The following SPACA6 variants were observed in gnomAD, a reference collection of about 807,000 sequenced individuals.
SPACA6 encodes the protein sperm acrosome membrane-associated protein 6.
For missense variants in SPACA6, 8 were observed against 2.8 expected (o/e 2.88, Z -1.34); for synonymous variants, 6 against 1.5 (o/e 4.05, Z -2.21).
upstream of SPACA6, chr19:51,685,377 T>G (rs1297378984): frequency 6.6e-6 from 1 of 152,246 alleles, no homozygotes; most frequent in African/African-American, 2.4e-5. Flanking sequence ...TTTGATTTTT[T>G]TATTTTGTAT....
downstream of SPACA6, among the ~76,000 whole-genome samples, chr19:51,709,979 C>T (rs1029149203): frequency 6.6e-6 from 1 of 152,180 alleles, no homozygotes; most frequent in Non-Finnish European, 1.5e-5. Flanking sequence ...CGTCCAGTAG[C>T]GCAGCACCAG....
the SPACA6 span, among the ~76,000 whole-genome samples, chr19:51,683,567 G>C: frequency 6.6e-6 from 1 of 152,152 alleles, no homozygotes; most frequent in Non-Finnish European, 1.5e-5. Flanking sequence ...AAAGAATACA[G>C]TAAAAATACC....
In SPACA6 at chr19:51,704,353, C is replaced by A; in HGVS notation, c.814C>A (p.Leu272Met). ...VLRWAPRDAE[L>M]IEPWRPSLGE... Reference sequence around the variant, plus strand: ...GCGCTGGGCGCCGCGGGATGCCGAGCTGATCGAGCCCTGGAGGCCCAGCCT... The same window carrying A: ...GCGCTGGGCGCCGCGGGATGCCGAGATGATCGAGCCCTGGAGGCCCAGCCT... Residue 272 changes from leucine (L) to methionine (M), a missense_variant, in exon 8 of 9, where the codon CTG becomes ATG. By Grantham distance (15) the Leu-to-Met change is conservative. Transcript: ENST00000637797. The A allele has an allele frequency of 2.5e-6, 1 of 400,980 alleles. No individual in the cohort carries two copies. The highest frequency in any genetic ancestry group is 4.4e-6 in the Non-Finnish European group (1 of 226,194). 24.8% of individuals were successfully genotyped at this position (400,980 alleles called of 1,614,324 possible).
At chr19:51,707,073 C>G (rs111424547), downstream of SPACA6, among the ~76,000 whole-genome samples, 9 of 152,284 alleles carry the variant, frequency 5.9e-5, 1 homozygote, top group African/African-American at 2.2e-4. Flanking sequence ...TTTGCTCATT[C>G]AGCAAATATT....
At chr19:51,685,265 G>A (rs1342197651), upstream of SPACA6, 1 of 152,176 alleles carries the variant, frequency 6.6e-6, no homozygotes, top group Non-Finnish European at 1.5e-5. Flanking sequence ...CTGTGTCTAA[G>A]AAGTATGAGA....
At chr19:51,695,413 G>A (rs1202279155) in intron 2 of SPACA6, among the ~76,000 whole-genome samples, 2 of 152,204 alleles carry the variant, frequency 1.3e-5, no homozygotes, top group East Asian at 3.8e-4. Context: ...AGAATAAACT[G>A]GCTTCCTCTT....
At chr19:51,687,473 T>A (rs540531211), upstream of SPACA6, 1 of 132,136 alleles carries the variant, frequency 7.6e-6, no homozygotes, top group East Asian at 2.3e-4. Context: ...TATGGGAGGA[T>A]CTTTGGATAT....
chr19:51,692,964 G>A (rs761255353), upstream of SPACA6: 39 of 456,952 alleles, frequency 8.5e-5, no homozygotes, highest in Non-Finnish European at 1.5e-4. The surrounding 1 kb of genome is among the most constrained non-coding windows in gnomAD (Gnocchi z 5.6). Flanking sequence ...AGGAAGAGCC[G>A]GGCTCTTTTC....
chr19:51,712,293 G>A (rs2083545458), exon 3 of SPACA6: 1 of 152,216 alleles, frequency 6.6e-6, no homozygotes, highest in African/African-American at 2.4e-5. Flanking sequence ...GGGATTACAG[G>A]TGTGAGCCAC....
upstream of SPACA6, among the ~76,000 whole-genome samples, chr19:51,688,713 C>A (rs546015984): frequency 3.3e-5 from 5 of 150,496 alleles, no homozygotes; most frequent in East Asian, 9.9e-4. Flanking sequence ...GGGAGAGAAA[C>A]AGAGAAAAGG....
chr19:51,689,884 C>T (rs936254645), upstream of SPACA6, among the ~76,000 whole-genome samples: 4 of 147,192 alleles, frequency 2.7e-5, no homozygotes, highest in East Asian at 2.0e-4. Context: ...CCCGAGCCCT[C>T]GGGGGAGGTG....
chr19:51,684,554 G>A (rs927646642), upstream of SPACA6, among the ~76,000 whole-genome samples: 4 of 152,222 alleles, frequency 2.6e-5, no homozygotes, highest in African/African-American at 9.6e-5. Flanking sequence ...GTCCACCAGG[G>A]GCAAATTACC....
At chr19:51,704,742 C>T (rs1568620615) in intron 8 of SPACA6, 9 of 390,740 alleles carry the variant, frequency 2.3e-5, no homozygotes, top group Admixed American at 1.8e-4. Flanking sequence ...GCAGCCCCTC[C>T]TCCCTCAGAC....
chr19:51,706,874 A>G (rs1039526571), downstream of SPACA6, among the ~76,000 whole-genome samples: 1 of 152,032 alleles, frequency 6.6e-6, no homozygotes, highest in Admixed American at 6.6e-5. Flanking sequence ...GGCCAGGCTG[A>G]TCTCAAACTC....
the SPACA6 span, among the ~76,000 whole-genome samples, chr19:51,682,822 C>A: frequency 6.6e-6 from 1 of 152,164 alleles, no homozygotes; most frequent in African/African-American, 2.4e-5. Context: ...GCGGGCAGAT[C>A]ACTTGAGGTC....
upstream of SPACA6, among the ~76,000 whole-genome samples, chr19:51,691,947 C>G (rs1476595412): frequency 1.3e-5 from 2 of 152,104 alleles, no homozygotes; most frequent in East Asian, 3.9e-4. Flanking sequence ...AGCCCCCTCA[C>G]CTGCCAAATG....
intron 2 of SPACA6, among the ~76,000 whole-genome samples, chr19:51,700,288 TAAA>T (rs1478952642): frequency 1.3e-5 from 2 of 151,890 alleles, no homozygotes; most frequent in African/African-American, 4.8e-5. Flanking sequence ...ACAAGGAACA[TAAA>T]AGAGTAAAAG....
At chr19:51,693,204 T>G, upstream of SPACA6, 1 of 577,708 alleles carries the variant, frequency 1.7e-6, no homozygotes, top group Non-Finnish European at 3.4e-6. Flanking sequence ...TGTGCCTATC[T>G]CCATCTCTGA....
At chr19:51,712,720 A>C (rs913058538), downstream of SPACA6, among the ~76,000 whole-genome samples, 4 of 152,194 alleles carry the variant, frequency 2.6e-5, no homozygotes, top group African/African-American at 7.2e-5. Flanking sequence ...GGACTCCAGC[A>C]GAAGTTTTCT....
Sources: gnomAD v4.1 joint callset for allele counts (sites outside exome capture counted in the v4.1 genomes callset) on GRCh38, gnomAD v4.1.1 for gene constraint, Gnocchi (gnomAD v3.1) non-coding constraint, MANE v1.5 for transcripts, NCBI Gene and HGNC (gene_info 2026-07-23, HGNC 2026-07-21) for gene names.